The following PTCH2 variants were observed in gnomAD, a reference collection of about 807,000 sequenced individuals.
PTCH2 encodes patched 2.
Under a neutral mutation model 117.9 loss-of-function variants are expected in PTCH2, and 96 were observed. The observed-to-expected ratio is 0.81, with a 90% CI of 0.69 to 0.96. The LOEUF (loss-of-function observed/expected upper bound fraction) is 0.96, where lower values mean the gene tolerates loss of function less well. PTCH2 is among the 50% of genes least tolerant of loss of function. The pLI is 0.00. For missense variants in PTCH2, 1,379 were observed against 1,562.5 expected (o/e 0.88, Z 1.98); for synonymous variants, 615 against 660.9 (o/e 0.93, Z 1.06).
At position 44,826,779 on chromosome 1, in the gene PTCH2, GA is replaced by G; in HGVS notation, c.2696-12del. On this transcript the variant is annotated splice_polypyrimidine_tract_variant and intron_variant, in intron 17 of 21. Transcript: ENST00000372192. This position sits in a 1 kb window ranked among gnomAD's most constrained non-coding sequence, Gnocchi z 5.1. ...GCTGAGCTGGCGGGACTGTGGAGGG[GA>G]GGGGAAGGGAGAAGAGGGAGAGGGA... The G allele has an allele frequency of 6.3e-7, 1 of 1,599,818 alleles. No homozygotes were observed. The highest frequency in any genetic ancestry group is 8.5e-7 in the Non-Finnish European group (1 of 1,171,074).
rs1410258176 is a variant in PTCH2, at chr1:44,829,304, A to G, written c.1224T>C (p.Tyr408=). 3 of 1,613,754 alleles carry G rather than the reference A, an allele frequency of 1.9e-6. No homozygotes were observed. Among genetic ancestry groups the G allele is most frequent in the Admixed American group, 1.7e-5 (1 of 60,032 alleles). Residue 408 remains tyrosine, a synonymous_variant, in exon 10 of 22, where the codon TAT becomes TAC. Transcript: ENST00000372192. ...VVGGYLLMLA[Y]ACVTMLRWDC... is the part of the protein sequence containing the mutation. ...CCCACCGCAGCATGGTCACACAGGC[A>G]TAGGCCAGCTGTGGGGGGAAAGGGC...
At chr1:44,842,144 C>T in intron 1 of PTCH2, 105 bp from the exon 2 acceptor site, 1 of 1,152,984 alleles carries the variant, frequency 8.7e-7, no homozygotes, top group South Asian at 1.3e-5. Context: ...TTCTTGATTT[C>T]TGGATGTGGG....
chr1:44,824,829 C>T lies in PTCH2; in HGVS notation c.3114+1421G>A, dbSNP rs548858381. Among the ~76,000 whole-genome samples, 3 of 152,046 alleles carry T rather than the reference C, an allele frequency of 2.0e-5. No homozygotes were observed. In the East Asian group the frequency reaches 5.8e-4, roughly 29 times the overall value. On this transcript the variant is annotated intron_variant, in intron 19 of 21. Transcript: ENST00000372192. Reference sequence around the variant, plus strand: ...CTGGGATTACAGGCACCTGCCACTACGCCTGGCTAATTTTTGTATTTTTAT... The same window carrying T: ...CTGGGATTACAGGCACCTGCCACTATGCCTGGCTAATTTTTGTATTTTTAT...
chr1:44,839,847 G>A (rs1653862812), intron 2 of PTCH2, among the ~76,000 whole-genome samples: 1 of 152,086 alleles, frequency 6.6e-6, no homozygotes, highest in African/African-American at 2.4e-5. Context: ...GGTAGGTAGG[G>A]TGGGGATGGC....
In PTCH2 at chr1:44,826,941, G is replaced by A. The variant is rs779492080; in HGVS notation, c.2656C>T (p.Leu886=). The change falls in exon 17 of 22, where the codon CTG becomes TTG. Residue 886 remains leucine (L), a synonymous_variant. Coordinates refer to ENST00000372192, the MANE Select transcript of PTCH2 (RefSeq NM_003738.5). The surrounding 1 kb of genome is among the most constrained non-coding windows in gnomAD (Gnocchi z 5.1). ...ANFYPPPPEW[L]HDKYDTTGEN... Reference sequence around the variant, plus strand: ...CCCGTGGTGTCGTATTTGTCGTGCAGCCATTCAGGAGGTGGGGGGTAGAAG... The same window carrying A: ...CCCGTGGTGTCGTATTTGTCGTGCAACCATTCAGGAGGTGGGGGGTAGAAG... 6.2e-7 allele frequency: 1 copy of A among 1,614,088 alleles called. No homozygotes were observed. Among genetic ancestry groups the A allele is most frequent in the Non-Finnish European group, 8.5e-7 (1 of 1,180,040 alleles).
Position 44,832,002 on chromosome 1 carries a change from G to A in PTCH2, c.498C>T (p.Pro166=), listed in dbSNP as rs763132660. 1.2e-6 allele frequency: 2 copies of A among 1,613,198 alleles called. No individual in the cohort carries two copies. The highest frequency in any genetic ancestry group is 2.7e-5 in the African/African-American group (2 of 74,856). ...LNKICYKSGV[P]LIENGMIERM... ...GCTCAATCATTCCATTTTCAATAAG[G>A]GGAACTCCTGACTTGTAGCAGATTT... The change falls in exon 4 of 22, where the codon CCC becomes CCT. Residue 166 remains proline, a synonymous_variant. Coordinates refer to ENST00000372192, the MANE Select transcript of PTCH2 (RefSeq NM_003738.5).
At chr1:44,836,116 C>G (rs757214527) in intron 2 of PTCH2, among the ~76,000 whole-genome samples, 1 of 152,120 alleles carries the variant, frequency 6.6e-6, no homozygotes, top group African/African-American at 2.4e-5. Context: ...TGGCCGTCAT[C>G]GGAAAGGCCC....
chr1:44,838,423 T>C (rs1653782333), intron 2 of PTCH2, among the ~76,000 whole-genome samples: 1 of 151,958 alleles, frequency 6.6e-6, no homozygotes, highest in South Asian at 2.1e-4. Context: ...GTATTTGGAG[T>C]AGAGACAGTG....
In PTCH2 at chr1:44,843,154, C is replaced by T. The variant is rs11573537; in HGVS notation, c.-222G>A. 1.4e-3 allele frequency: 1,800 copies of T among 1,269,490 alleles called. 22 individuals are homozygous for T. The African/African-American group carries it at 0.025, about 17-fold the overall frequency. The allele number at this position is 1,269,490 out of a possible 1,614,324, so 78.6% of individuals were successfully genotyped here. A position where few individuals can be genotyped will look rare whatever the true frequency, so the allele number is the denominator to read the frequency against. ...GGCGCGGCGCCGGGATTCACCCGCTCCGTGGGCCGTGGGCCGCGGCGGCTG... is the reference window on the plus strand; with the variant it reads ...GGCGCGGCGCCGGGATTCACCCGCTTCGTGGGCCGTGGGCCGCGGCGGCTG... On this transcript the variant is annotated 5_prime_UTR_variant, in exon 1 of 22. Transcript: ENST00000372192.
downstream of PTCH2, chr1:44,821,786 ATG>A: frequency 1.5e-6 from 2 of 1,332,196 alleles, no homozygotes; most frequent in South Asian, 2.4e-5. Flanking sequence ...TACCAAGTAT[ATG>A]ACAAAAATCC....
rs751113988 is a variant in PTCH2, at chr1:44,828,145, C to G, written c.1756G>C (p.Asp586His). 1.9e-6 allele frequency: 3 copies of G among 1,613,866 alleles called. No homozygotes were observed. Among genetic ancestry groups the G allele is most frequent in the Non-Finnish European group, 2.5e-6 (3 of 1,180,044 alleles). The stretch of plus-strand genomic sequence containing the variant: ...GCAATGCCCACTGGTACTGTCCCGT[C>G]CCCCAGCTCCTGGGGCAGGATCTGA... ...VIQILPQELG[D>H]GTVPVGIAHL... The change falls in exon 14 of 22, where the codon GAC (aspartate) becomes CAC (histidine). Residue 586 changes from aspartate to histidine, a missense_variant. Coordinates refer to ENST00000372192, the MANE Select transcript of PTCH2 (RefSeq NM_003738.5).
At chr1:44,827,806 A>G in intron 14 of PTCH2, 37 bp downstream of exon 14, 2 of 1,613,212 alleles carry the variant, frequency 1.2e-6, no homozygotes, top group Non-Finnish European at 1.7e-6. Flanking sequence ...CTGGGCCCAG[A>G]GATGCTAAGT....
Position 44,843,064 on chromosome 1 carries a change from A to G in PTCH2, c.-132T>C. ...GGGGCCGCCAAGGCGCGGGCGTGGG[A>G]GAGACTGTGGGGTGTGGGTGTTAAA... On this transcript the variant is annotated 5_prime_UTR_variant, in exon 1 of 22. Coordinates refer to ENST00000372192, the MANE Select transcript of PTCH2 (RefSeq NM_003738.5). The G allele has an allele frequency of 7.0e-7, 1 of 1,425,852 alleles. No homozygotes were observed. The highest frequency in any genetic ancestry group is 9.1e-7 in the Non-Finnish European group (1 of 1,094,630). 88.3% of individuals were successfully genotyped at this position (1,425,852 alleles called of 1,614,324 possible). A position where few individuals can be genotyped will look rare whatever the true frequency, so the allele number is the denominator to read the frequency against.
At position 44,823,476 on chromosome 1, in the gene PTCH2, C is replaced by T. The variant is rs1006728059; in HGVS notation, c.3115-91G>A. On this transcript the variant is annotated intron_variant, in intron 19 of 21. Transcript: ENST00000372192. This position sits in a 1 kb window ranked among gnomAD's most constrained non-coding sequence, Gnocchi z 5.1. ...AGCTGTATCTGTCTTCAGAGCTCAA[C>T]GATACCTTGGCCCACCAAAGGCTGG... 1.1e-5 allele frequency: 17 copies of T among 1,577,070 alleles called. No homozygotes were observed. Among genetic ancestry groups the T allele is most frequent in the Middle Eastern group, 1.7e-4 (1 of 5,938 alleles).
At chr1:44,836,772 C>T (rs1653707489) in intron 2 of PTCH2, among the ~76,000 whole-genome samples, 1 of 151,806 alleles carries the variant, frequency 6.6e-6, no homozygotes, top group Non-Finnish European at 1.5e-5. Context: ...GACTGCGTCT[C>T]TACAAACAAA....
intron 2 of PTCH2, among the ~76,000 whole-genome samples, chr1:44,836,642 T>C (rs542090780): frequency 6.6e-6 from 1 of 151,030 alleles, no homozygotes; most frequent in East Asian, 2.0e-4. Context: ...GAGGCGGAGG[T>C]TGCAGTGAGC....
chr1:44,830,815 A>T (rs1370692066), intron 6 of PTCH2, 33 bp downstream of exon 6: 2 of 1,509,318 alleles, frequency 1.3e-6, no homozygotes, highest in Admixed American at 2.1e-5. Flanking sequence ...GAAGGAAAAC[A>T]GCCTTTCCCT....
At chr1:44,839,718 T>C (rs1361726129) in intron 2 of PTCH2, among the ~76,000 whole-genome samples, 2 of 152,138 alleles carry the variant, frequency 1.3e-5, no homozygotes, top group South Asian at 2.1e-4. Flanking sequence ...GATATGTGTA[T>C]GTGCGTGTAT....
In PTCH2 at chr1:44,829,000, C is replaced by T; in HGVS notation, c.1446G>A (p.Leu482=). Residue 482 remains leucine (L), a synonymous_variant, in exon 11 of 22, where the codon CTG becomes CTA. Coordinates refer to ENST00000372192, the MANE Select transcript of PTCH2 (RefSeq NM_003738.5). ...FLLAHAFTEA[L]PGTPLQERMG... The stretch of plus-strand genomic sequence containing the variant: ...GCCCCACCTGGAGAGGGGTGCCAGG[C>T]AGAGCCTCTGTGAAGGCATGCGCCA... 1 of 1,561,306 alleles carries T rather than the reference C, an allele frequency of 6.4e-7. No individual in the cohort carries two copies. The highest frequency in any genetic ancestry group is 8.7e-7 in the Non-Finnish European group (1 of 1,152,590).
Sources: allele counts gnomAD v4.1 joint callset (sites outside exome capture counted in the v4.1 genomes callset), GRCh38; gene constraint gnomAD v4.1.1; non-coding constraint Gnocchi (gnomAD v3.1); transcripts MANE v1.5; gene names NCBI Gene and HGNC (gene_info 2026-07-23, HGNC 2026-07-21).